The following RBFOX1 variants were observed in gnomAD, a reference collection of about 807,000 sequenced individuals.
RBFOX1 encodes RNA binding fox-1 homolog 1, also known as RNA binding protein fox-1 homolog 1.
RBFOX1 carries 8 observed loss-of-function variants against 57.7 expected under a neutral mutation model. The observed-to-expected ratio is 0.14, with a 90% confidence interval of 0.08 to 0.25. The LOEUF (loss-of-function observed/expected upper bound fraction) is 0.25, where lower values mean the gene tolerates loss of function less well. RBFOX1 is among the 10% of genes least tolerant of loss of function. The pLI, the probability that RBFOX1 is intolerant of heterozygous loss-of-function variation, is 1.00. For synonymous variants in RBFOX1, 326 were observed against 222.4 expected, an observed-to-expected ratio of 1.47 and a Z score of -4.15; for missense variants, 611 against 548.5, an observed-to-expected ratio of 1.11 and a Z score of -1.14.
chr16:5,850,040 C>A (rs1053389028), intron 3 of RBFOX1, among the ~76,000 whole-genome samples: 1 of 152,230 alleles, frequency 6.6e-6, no homozygotes, highest in Non-Finnish European at 1.5e-5. Flanking sequence ...GAAACACCTT[C>A]TGTCTCCACC....
Position 5,564,504 on chromosome 16 carries a change from C to G in RBFOX1, c.259-34398C>G, listed in dbSNP as rs557305805. On this transcript the variant is annotated intron_variant, in intron 2 of 2. Transcript: ENST00000585867. ...AATAAGAAACCCTCCTGACATAGAA[C>G]AAGTTTCATAACACGTGTCAGGTGT... Among the ~76,000 whole-genome samples, 9 of 152,230 alleles carry G rather than the reference C, an allele frequency of 5.9e-5. No individual in the cohort carries two copies. In the South Asian group the frequency reaches 1.7e-3, roughly 28 times the overall value.
intron 3 of RBFOX1, among the ~76,000 whole-genome samples, chr16:6,854,168 A>C (rs2057366053): frequency 6.6e-6 from 1 of 152,184 alleles, no homozygotes. Flanking sequence ...GACGTTTATT[A>C]GTTTCAATAA....
intron 4 of RBFOX1, among the ~76,000 whole-genome samples, chr16:7,244,187 A>G (rs949384466): frequency 6.7e-6 from 1 of 150,260 alleles, no homozygotes; most frequent in Admixed American, 6.7e-5. Context: ...ATAAACATTT[A>G]TAATAATATA....
At chr16:7,163,489 C>T (rs917735873) in intron 4 of RBFOX1, among the ~76,000 whole-genome samples, 3 of 152,168 alleles carry the variant, frequency 2.0e-5, no homozygotes, top group African/African-American at 7.2e-5. Context: ...TGCCCATTCT[C>T]TCCTTTGGTC....
At chr16:6,960,608 C>A (rs978216163) in intron 3 of RBFOX1, among the ~76,000 whole-genome samples, 2 of 152,078 alleles carry the variant, frequency 1.3e-5, no homozygotes, top group African/African-American at 4.8e-5. Flanking sequence ...AGGAGGCCCC[C>A]GCCTGCCTTT....
intron 3 of RBFOX1, among the ~76,000 whole-genome samples, chr16:6,793,978 T>C (rs760677800): frequency 5.5e-4 from 83 of 152,136 alleles, no homozygotes; most frequent in Admixed American, 1.4e-3. Flanking sequence ...GCAAGTGGTG[T>C]ATGATTCAGT....
At chr16:6,686,044 G>A (rs925267755) in intron 3 of RBFOX1, among the ~76,000 whole-genome samples, 16 of 152,236 alleles carry the variant, frequency 1.1e-4, no homozygotes, top group African/African-American at 3.4e-4. Flanking sequence ...ATTTGAAAAT[G>A]TCCCATATGT....
chr16:6,990,463 T>C (rs977679792), intron 3 of RBFOX1, among the ~76,000 whole-genome samples: 2 of 152,074 alleles, frequency 1.3e-5, no homozygotes, highest in Non-Finnish European at 2.9e-5. Flanking sequence ...AGTTGGAGTT[T>C]GCAGTGAGTT....
chr16:7,131,735 T>A (rs969696395), intron 4 of RBFOX1, among the ~76,000 whole-genome samples: 4 of 152,038 alleles, frequency 2.6e-5, no homozygotes, highest in African/African-American at 9.7e-5. Context: ...CCAGAGGCTC[T>A]TGTACAAATT....
intron 1 of RBFOX1, among the ~76,000 whole-genome samples, chr16:6,193,199 C>A (rs1452225349): frequency 1.3e-5 from 2 of 151,442 alleles, no homozygotes; most frequent in Non-Finnish European, 2.9e-5. Context: ...ATCCAAGGCT[C>A]TGGGGACTCT....
At chr16:7,222,779 G>C (rs541488369) in intron 4 of RBFOX1, among the ~76,000 whole-genome samples, 1 of 152,200 alleles carries the variant, frequency 6.6e-6, no homozygotes, top group South Asian at 2.1e-4. Context: ...GCAGGAACCA[G>C]TGCCATTTCA....
At position 6,904,599 on chromosome 16, in the gene RBFOX1, T is replaced by TGAA. The variant is rs1366471899; in HGVS notation, c.-15-147458_-15-147457insGAA. Among the ~76,000 whole-genome samples, 29 of 64,026 alleles carry TGAA rather than the reference T, an allele frequency of 4.5e-4. 1 individual carries two copies. Among genetic ancestry groups the TGAA allele is most frequent in the East Asian group, 2.4e-3 (5 of 2,092 alleles). 42.0% of individuals were successfully genotyped at this position (64,026 alleles called of 152,430 possible). A position where few individuals can be genotyped will look rare whatever the true frequency, so the allele number is the denominator to read the frequency against. On this transcript the variant is annotated intron_variant, in intron 3 of 15. Transcript: ENST00000550418. Reference sequence around the variant, plus strand: ...CTGGGTGACAGAGTGAGACTCTCTCTAAAAAAAAAAAAAAAAAAAAAAAAA... The same window carrying TGAA: ...CTGGGTGACAGAGTGAGACTCTCTCTGAAAAAAAAAAAAAAAAAAAAAAAAAAA...
At chr16:6,208,762 T>G (rs1488320020) in intron 1 of RBFOX1, among the ~76,000 whole-genome samples, 1 of 152,012 alleles carries the variant, frequency 6.6e-6, no homozygotes, top group Admixed American at 6.6e-5. Context: ...AAAATTGGAG[T>G]CTGGCCAAAC....
intron 2 of RBFOX1, among the ~76,000 whole-genome samples, chr16:6,598,044 T>G (rs541341896): frequency 6.6e-6 from 1 of 152,328 alleles, no homozygotes; most frequent in African/African-American, 2.4e-5. Context: ...ATCTTTATGG[T>G]TATAGTCACT....
At chr16:6,643,729 C>T (rs905421687) in intron 2 of RBFOX1, among the ~76,000 whole-genome samples, 6 of 152,158 alleles carry the variant, frequency 3.9e-5, no homozygotes, top group South Asian at 2.1e-4. Context: ...CAATTCCCTA[C>T]ACTCTAAAAC....
chr16:6,794,089 A>C (rs536784248), intron 3 of RBFOX1, among the ~76,000 whole-genome samples: 42 of 152,228 alleles, frequency 2.8e-4, no homozygotes, highest in African/African-American at 9.4e-4. Flanking sequence ...GAAATGACTG[A>C]ACTATAAGTT....
At chr16:6,879,862 C>A (rs188139228) in intron 3 of RBFOX1, among the ~76,000 whole-genome samples, 4 of 152,160 alleles carry the variant, frequency 2.6e-5, no homozygotes, top group African/African-American at 9.7e-5. Context: ...TTTGAATTAT[C>A]TCATAAATGT....
Position 5,426,451 on chromosome 16 carries a change from G to T in RBFOX1, c.220-40765G>T, listed in dbSNP as rs193216421. Among the ~76,000 whole-genome samples, 35 of 152,300 alleles carry T rather than the reference G, an allele frequency of 2.3e-4. No homozygotes were observed. In the East Asian group the frequency reaches 6.6e-3, roughly 29 times the overall value. On this transcript the variant is annotated intron_variant, in intron 1 of 2. Coordinates refer to the RBFOX1 transcript ENST00000585867. Reference sequence around the variant, plus strand: ...ACCGTACCCAGCGTTTGCAGCCACCGCCAGGGTGTCTGTCAATAACGGAGG... The same window carrying T: ...ACCGTACCCAGCGTTTGCAGCCACCTCCAGGGTGTCTGTCAATAACGGAGG...
chr16:5,721,000 A>G (rs911298879), intron 3 of RBFOX1, among the ~76,000 whole-genome samples: 2 of 152,182 alleles, frequency 1.3e-5, no homozygotes, highest in Admixed American at 1.3e-4. Context: ...GATTGTGTTA[A>G]ATCTGTAGAT....
Sources: gnomAD v4.1 joint callset for allele counts (sites outside exome capture counted in the v4.1 genomes callset) on GRCh38, gnomAD v4.1.1 for gene constraint, MANE v1.5 for transcripts, NCBI Gene and HGNC (gene_info 2026-07-23, HGNC 2026-07-21) for gene names.